Variants in TNRC6A observed in about 807,000 individuals in gnomAD.
TNRC6A encodes the protein trinucleotide repeat containing adaptor 6A.
In TNRC6A, 44 loss-of-function variants were observed where a neutral mutation model predicts 221.2. The ratio of observed to expected loss-of-function variants is 0.20; its 90% confidence interval spans 0.16 to 0.26. The LOEUF (loss-of-function observed/expected upper bound fraction) is 0.26. Among genes scored for constraint, TNRC6A ranks in the 10% least tolerant of loss-of-function variants. The pLI is 1.00. For missense variants in TNRC6A, 2,199 were observed against 2,404.4 expected (o/e 0.91, Z 1.79); for synonymous variants, 847 against 838.5 (o/e 1.01, Z -0.18).
At chr16:24,734,791 C>T (rs2056726054) in intron 2 of TNRC6A, among the ~76,000 whole-genome samples, 1 of 152,146 alleles carries the variant, frequency 6.6e-6, no homozygotes, top group South Asian at 2.1e-4. Flanking sequence ...CTAGTGATGA[C>T]TTTACTATCA....
At chr16:24,782,742 C>T (rs924360303) in intron 5 of TNRC6A, among the ~76,000 whole-genome samples, 4 of 152,094 alleles carry the variant, frequency 2.6e-5, no homozygotes, top group African/African-American at 7.2e-5. Flanking sequence ...ATTAGCCAGG[C>T]GTGGTGGCGG....
chr16:24,613,020 G>A (rs1306933891), intron 1 of TNRC6A, among the ~76,000 whole-genome samples: 2 of 149,336 alleles, frequency 1.3e-5, no homozygotes, highest in African/African-American at 2.5e-5. Flanking sequence ...ACTGAGGCAG[G>A]AGAATTGCTT....
At chr16:24,709,150 G>C (rs561516916) in intron 2 of TNRC6A, among the ~76,000 whole-genome samples, 10 of 152,104 alleles carry the variant, frequency 6.6e-5, no homozygotes, top group Non-Finnish European at 1.5e-4. Context: ...CCAGCTACTC[G>C]GGAGGCTGAG....
At chr16:24,815,798 A>T (rs1360846598) in intron 19 of TNRC6A, 2 of 166,650 alleles carry the variant, frequency 1.2e-5, no homozygotes, top group Non-Finnish European at 2.6e-5. Flanking sequence ...GCTTGCAGTG[A>T]GCCGAAATTG....
At chr16:24,817,563 G>T (rs922607710) in intron 20 of TNRC6A, among the ~76,000 whole-genome samples, 1 of 152,136 alleles carries the variant, frequency 6.6e-6, no homozygotes, top group Non-Finnish European at 1.5e-5. Flanking sequence ...AATAAAATCC[G>T]ATTACCTGCC....
chr16:24,623,509 A>G (rs1344713115), intron 1 of TNRC6A, among the ~76,000 whole-genome samples: 1 of 152,124 alleles, frequency 6.6e-6, no homozygotes, highest in Non-Finnish European at 1.5e-5. Flanking sequence ...GGGCTCACTC[A>G]GGTGTCAGTG....
chr16:24,694,981 T>C (rs1222295554), intron 2 of TNRC6A, among the ~76,000 whole-genome samples: 3 of 152,164 alleles, frequency 2.0e-5, no homozygotes, highest in African/African-American at 7.2e-5. Context: ...TGCCCTCTGA[T>C]GGCTGAGCTG....
rs2056569092 is a variant in TNRC6A at position 24,729,687 on chromosome 16, G to GCGGCGGCGGCGGCGT, written c.-141_-140insTCGGCGGCGGCGGCG. The GCGGCGGCGGCGGCGT allele has an allele frequency of 2.3e-5, 6 of 266,520 alleles. No homozygotes were observed. Among genetic ancestry groups the GCGGCGGCGGCGGCGT allele is most frequent in the African/African-American group, 4.2e-5 (1 of 23,970 alleles). 16.5% of individuals were successfully genotyped at this position (266,520 alleles called of 1,614,324 possible). ...GGGGCCTGCGGCGGCGGCGGTGTCG[G>GCGGCGGCGGCGGCGT]CGGCGGCGGCGGCGGCGGCGGCGGC... On this transcript the variant is annotated 5_prime_UTR_variant, in exon 1 of 25. Coordinates refer to ENST00000395799, the MANE Select transcript of TNRC6A (RefSeq NM_014494.4).
intron 1 of TNRC6A, among the ~76,000 whole-genome samples, chr16:24,626,736 G>A (rs1378295097): frequency 4.4e-4 from 64 of 144,438 alleles, no homozygotes; most frequent in African/African-American, 1.4e-3. Flanking sequence ...TGCAAGCTCC[G>A]CCTCCCGGGT....
chr16:24,626,510 AT>A (rs1900998344), intron 1 of TNRC6A, among the ~76,000 whole-genome samples: 1 of 152,106 alleles, frequency 6.6e-6, no homozygotes, highest in Non-Finnish European at 1.5e-5. Context: ...AAGCCATAGC[AT>A]ACTTTCAAGC....
chr16:24,769,374 T>C (rs1405878374), intron 4 of TNRC6A, among the ~76,000 whole-genome samples: 1 of 152,074 alleles, frequency 6.6e-6, no homozygotes, highest in South Asian at 2.1e-4. Context: ...TTTTCCATTC[T>C]TAAAAGTTTA....
chr16:24,789,356 A>G lies in TNRC6A; in HGVS notation c.714A>G (p.Ala238=), dbSNP rs761066258. The G allele has an allele frequency of 2.2e-5, 36 of 1,614,114 alleles. No individual in the cohort carries two copies. Among genetic ancestry groups the G allele is most frequent in the East Asian group, 1.3e-4 (6 of 44,902 alleles). Residue 238 remains alanine, a synonymous_variant, in exon 6 of 25, where the codon GCA becomes GCG. Transcript: ENST00000395799. ...TAAGTGACTTGTCGGAAAAAGAAGC[A>G]TGGCCCTCAGCCCCTGGCAGTGATC... The part of the protein sequence containing the change: ...AVVSDLSEKE[A]WPSAPGSDPE...
At chr16:24,697,907 G>A (rs2142184897) in intron 2 of TNRC6A, among the ~76,000 whole-genome samples, 2 of 151,848 alleles carry the variant, frequency 1.3e-5, no homozygotes, top group South Asian at 4.2e-4. Context: ...GCATGTGGTG[G>A]CAGGCACCTG....
At position 24,791,406 on chromosome 16, in the gene TNRC6A, T is replaced by C; in HGVS notation, c.2764T>C (p.Trp922Arg). ...ESSKPTPSQG[W>R]GDPPKSNQSL... ...TTCTAAACCTACTCCTTCCCAGGGA[T>C]GGGGAGACCCTCCAAAGTCTAATCA... is the stretch of plus-strand genomic sequence containing the variant. The change falls in exon 6 of 25, where the codon TGG (tryptophan) becomes CGG (arginine). Residue 922 changes from tryptophan (W) to arginine (R), a missense_variant. Physicochemically the swap from Trp to Arg is moderately radical, Grantham distance 101. This residue lies in a region of TNRC6A where 1,405 missense variants were observed against 1,400.2 expected (regional missense o/e 1.00). Transcript: ENST00000395799. The C allele has an allele frequency of 1.3e-6, 2 of 1,561,174 alleles. No homozygotes were observed. Among genetic ancestry groups the C allele is most frequent in the Non-Finnish European group, 1.7e-6 (2 of 1,155,542 alleles).
At chr16:24,727,658 T>C (rs573742795), upstream of TNRC6A, among the ~76,000 whole-genome samples, 2 of 152,336 alleles carry the variant, frequency 1.3e-5, no homozygotes, top group African/African-American at 4.8e-5. Context: ...CAAATGTTGA[T>C]AAATATGACT....
intron 3 of TNRC6A, among the ~76,000 whole-genome samples, chr16:24,754,570 A>G (rs2057208417): frequency 6.6e-6 from 1 of 152,202 alleles, no homozygotes; most frequent in African/African-American, 2.4e-5. Context: ...ACTTTAAAAA[A>G]AGGAGGGGGG....
chr16:24,615,243 T>C (rs959547724), intron 1 of TNRC6A, among the ~76,000 whole-genome samples: 1 of 152,046 alleles, frequency 6.6e-6, no homozygotes, highest in Admixed American at 6.6e-5. Context: ...TTCCATGTAC[T>C]AAGATGGAAA....
At chr16:24,610,747 T>C (rs1478800724) in intron 1 of TNRC6A, among the ~76,000 whole-genome samples, 1 of 152,092 alleles carries the variant, frequency 6.6e-6, no homozygotes, top group Non-Finnish European at 1.5e-5. Flanking sequence ...CTCCTCTCTC[T>C]ATCTTACTCC....
At chr16:24,793,394 A>G in intron 6 of TNRC6A, 79 bp from the exon 7 acceptor site, 1 of 1,141,442 alleles carries the variant, frequency 8.8e-7, no homozygotes, top group East Asian at 2.9e-5. Flanking sequence ...TTGGTCCCTA[A>G]GTTTTCTTTA....
Sources: allele counts gnomAD v4.1 joint callset (sites outside exome capture counted in the v4.1 genomes callset), GRCh38; gene constraint gnomAD v4.1.1; regional missense constraint gnomAD v4.1.1; transcripts MANE v1.5; gene names NCBI Gene and HGNC (gene_info 2026-07-23, HGNC 2026-07-21).